The following PAPPA2 variants were observed in gnomAD, a reference collection of about 807,000 sequenced individuals.
PAPPA2 encodes pappalysin-2.
A neutral mutation model predicts 176.4 loss-of-function variants in PAPPA2; 86 were observed. The observed-to-expected ratio is 0.49, with a 90% confidence interval of 0.41 to 0.58. PAPPA2 has a LOEUF of 0.58. Ranked by LOEUF, PAPPA2 falls within the 20% of genes least tolerant of loss-of-function variation. The pLI, the probability that PAPPA2 is intolerant of heterozygous loss-of-function variation, is 0.00. For missense variants in PAPPA2, 2,073 were observed against 2,256.9 expected, an observed-to-expected ratio of 0.92 and a Z score of 1.65; for synonymous variants, 809 against 852.2, an observed-to-expected ratio of 0.95 and a Z score of 0.88.
intron 1 of PAPPA2, among the ~76,000 whole-genome samples, chr1:176,516,700 CT>C (rs1648934301): frequency 6.6e-6 from 1 of 152,198 alleles, no homozygotes; most frequent in South Asian, 2.1e-4. Flanking sequence ...AGAGCAAGCC[CT>C]TACCATACAC....
intron 1 of PAPPA2, among the ~76,000 whole-genome samples, chr1:176,523,723 A>G (rs973767445): frequency 3.9e-5 from 6 of 152,250 alleles, no homozygotes; most frequent in Non-Finnish European, 8.8e-5. Flanking sequence ...CCTTGTTAAA[A>G]GAGCTTATGA....
intron 2 of PAPPA2, among the ~76,000 whole-genome samples, chr1:176,578,542 A>T (rs1652782753): frequency 6.6e-6 from 1 of 152,192 alleles, no homozygotes; most frequent in South Asian, 2.1e-4. Flanking sequence ...GTAAATTCAT[A>T]GATGTCTAAG....
At chr1:176,572,319 G>A (rs1217325008) in intron 2 of PAPPA2, among the ~76,000 whole-genome samples, 1 of 151,826 alleles carries the variant, frequency 6.6e-6, no homozygotes, top group African/African-American at 2.4e-5. Flanking sequence ...TTCTCACTCA[G>A]GGGCCAAGCA....
chr1:176,706,262 A>G lies in PAPPA2; in HGVS notation c.3366-97A>G, dbSNP rs542249098. 211 of 1,102,008 alleles carry G rather than the reference A, an allele frequency of 1.9e-4. 2 individuals are homozygous for G. In the South Asian group the frequency reaches 2.1e-3, roughly 11 times the overall value. The allele number at this position is 1,102,008 out of a possible 1,614,324, so 68.3% of individuals were successfully genotyped here. ...ACTTTTTTCCAACTTGCACTTTTTA[A>G]TATATACTGAGAAATTGTAAGAATT... is the stretch of plus-strand genomic sequence containing the variant. On this transcript the variant is annotated intron_variant, in intron 9 of 22. Transcript: ENST00000367662.
chr1:176,793,863 A>G (rs1257907078), intron 20 of PAPPA2, among the ~76,000 whole-genome samples, 194 bp downstream of exon 20: 5 of 152,200 alleles, frequency 3.3e-5, no homozygotes, highest in Admixed American at 3.3e-4. Context: ...ATATCCGCCG[A>G]GGTGGGCGGA....
chr1:176,516,297 G>T (rs1441173983), intron 1 of PAPPA2, among the ~76,000 whole-genome samples: 1 of 149,702 alleles, frequency 6.7e-6, no homozygotes, highest in Non-Finnish European at 1.5e-5. Context: ...TTTGTGACAG[G>T]CCTTCATATA....
intron 2 of PAPPA2, among the ~76,000 whole-genome samples, chr1:176,569,482 T>C (rs1652189717): frequency 6.6e-6 from 1 of 152,252 alleles, no homozygotes; most frequent in Non-Finnish European, 1.5e-5. Flanking sequence ...CCTGATACCT[T>C]GTACTGTGCC....
chr1:176,674,511 G>A (rs936760517), intron 4 of PAPPA2, among the ~76,000 whole-genome samples: 1 of 152,058 alleles, frequency 6.6e-6, no homozygotes, highest in Non-Finnish European at 1.5e-5. Flanking sequence ...AATATGTGAT[G>A]TTTGGTTTCC....
chr1:176,608,216 C>T (rs996280842), intron 3 of PAPPA2, among the ~76,000 whole-genome samples: 4 of 151,942 alleles, frequency 2.6e-5, no homozygotes, highest in Admixed American at 2.0e-4. Flanking sequence ...AAATATTTTA[C>T]ATCAGCTACT....
intron 3 of PAPPA2, among the ~76,000 whole-genome samples, chr1:176,596,082 C>T (rs1362434892): frequency 1.3e-5 from 2 of 152,218 alleles, no homozygotes; most frequent in South Asian, 2.1e-4. Context: ...TCAGCAGTTT[C>T]GTAAAGTTTC....
At chr1:176,838,668 C>G (rs774553966) in intron 21 of PAPPA2, among the ~76,000 whole-genome samples, 1 of 152,218 alleles carries the variant, frequency 6.6e-6, no homozygotes, top group Non-Finnish European at 1.5e-5. Context: ...TCCAAGTTCT[C>G]TAGAGCCAGA....
At chr1:176,685,502 A>G (rs1558518427) in intron 4 of PAPPA2, among the ~76,000 whole-genome samples, 1 of 152,342 alleles carries the variant, frequency 6.6e-6, no homozygotes, top group East Asian at 1.9e-4. Flanking sequence ...ACTGGAAGAA[A>G]GTGTGTGTGC....
chr1:176,692,166 C>T lies in PAPPA2; in HGVS notation c.2472C>T (p.Ala824=), dbSNP rs773129615. The change falls in exon 6 of 23, where the codon GCC becomes GCT. Residue 824 remains alanine, a synonymous_variant. Transcript: ENST00000367662. ...ACAACTTCACTCCTAACCAAGTGGC[C>T]CGAATGCATTGCTATTTGGACCTAG... ...CTDNFTPNQV[A]RMHCYLDLVY... 7 of 1,613,830 alleles carry T rather than the reference C, an allele frequency of 4.3e-6. No individual in the cohort carries two copies. The highest frequency in any genetic ancestry group is 5.1e-6 in the Non-Finnish European group (6 of 1,179,934).
rs11300125 is a variant in PAPPA2, at chr1:176,530,603, CAA to C, written c.-916-24793_-916-24792del. On this transcript the variant is annotated intron_variant, in intron 1 of 22. Transcript: ENST00000367662. ...TTTGTAGAAATATATTCATCTCATG[CAA>C]AAAAAAAAAATCTGTAGAACTCTTC... 1.6e-3 allele frequency among the ~76,000 whole-genome samples: 236 copies of C among 146,244 alleles called. 2 individuals are homozygous for C. Among genetic ancestry groups the C allele is most frequent in the African/African-American group, 5.3e-3 (212 of 40,374 alleles).
chr1:176,505,641 T>A (rs1425683015), intron 1 of PAPPA2, among the ~76,000 whole-genome samples: 1 of 151,882 alleles, frequency 6.6e-6, no homozygotes, highest in Non-Finnish European at 1.5e-5. Context: ...GAAAAAACTA[T>A]TCTAAAATTC....
At chr1:176,484,112 C>T (rs960322504) in intron 1 of PAPPA2, among the ~76,000 whole-genome samples, 1 of 152,218 alleles carries the variant, frequency 6.6e-6, no homozygotes, top group Admixed American at 6.5e-5. Context: ...GGCATTGTCT[C>T]CTGACTAGAT....
intron 20 of PAPPA2, among the ~76,000 whole-genome samples, chr1:176,796,653 T>A (rs548392563): frequency 6.6e-6 from 1 of 150,936 alleles, no homozygotes; most frequent in East Asian, 1.9e-4. Flanking sequence ...CTTTTCTTTC[T>A]TTTTCTTTCT....
chr1:176,492,016 G>C (rs1416297324), intron 1 of PAPPA2, among the ~76,000 whole-genome samples: 4 of 152,198 alleles, frequency 2.6e-5, no homozygotes, highest in Non-Finnish European at 5.9e-5. Context: ...ATGTCCACAG[G>C]ATGCTCCTGA....
At chr1:176,794,299 G>A (rs560128941) in intron 20 of PAPPA2, among the ~76,000 whole-genome samples, 1 of 152,294 alleles carries the variant, frequency 6.6e-6, no homozygotes, top group South Asian at 2.1e-4. Context: ...TGGAGCCTCT[G>A]TCTGCTCACC....
Sources: gnomAD v4.1 joint callset for allele counts (sites outside exome capture counted in the v4.1 genomes callset) on GRCh38, gnomAD v4.1.1 for gene constraint, MANE v1.5 for transcripts, NCBI Gene and HGNC (gene_info 2026-07-23, HGNC 2026-07-21) for gene names.